Variants in SLCO3A1 observed in about 807,000 individuals in gnomAD.
The protein encoded by SLCO3A1 is PGE1 transporter.
Under a neutral mutation model 63.1 loss-of-function variants are expected in SLCO3A1, and 27 were observed. The ratio of observed to expected loss-of-function variants is 0.43; its 90% CI spans 0.32 to 0.59. The LOEUF is 0.59. Among genes scored for constraint, SLCO3A1 ranks in the 20% least tolerant of loss-of-function variants. The pLI is 0.09. For missense variants in SLCO3A1, 773 were observed against 945.8 expected (o/e 0.82, Z 2.40); for synonymous variants, 473 against 409.9 (o/e 1.15, Z -1.86).
At chr15:91,976,722 G>A (rs1246928850) in intron 2 of SLCO3A1, among the ~76,000 whole-genome samples, 1 of 152,124 alleles carries the variant, frequency 6.6e-6, no homozygotes, top group Non-Finnish European at 1.5e-5. Context: ...GCGTCCGGGG[G>A]AGACATCACA....
At chr15:92,114,687 C>T (rs2047771666) in intron 4 of SLCO3A1, among the ~76,000 whole-genome samples, 1 of 152,094 alleles carries the variant, frequency 6.6e-6, no homozygotes, top group East Asian at 1.9e-4. Flanking sequence ...CTAAGACCTC[C>T]CTGCTCTCTG....
chr15:92,165,572 T>G lies in SLCO3A1; in HGVS notation c.*2437T>G. ...TTTTTTCCTAAGATTTTAGGATGAA[T>G]GTGAAAAAGATGTTAGAATAACAGG... On this transcript the variant is annotated 3_prime_UTR_variant, in exon 10 of 10. Transcript: ENST00000318445. 1 of 984,618 alleles carries G rather than the reference T, an allele frequency of 1.0e-6. No individual in the cohort carries two copies. Among genetic ancestry groups the G allele is most frequent in the African/African-American group, 1.7e-5 (1 of 57,312 alleles). The allele number at this position is 984,618 out of a possible 1,614,324, so 61.0% of individuals were successfully genotyped here.
intron 9 of SLCO3A1, among the ~76,000 whole-genome samples, chr15:92,154,316 G>A (rs1304443997): frequency 2.6e-5 from 4 of 152,260 alleles, no homozygotes; most frequent in Non-Finnish European, 4.4e-5. Context: ...TTATTTATGA[G>A]ACAGGAAGAA....
At chr15:92,095,677 A>G (rs2047529819) in intron 3 of SLCO3A1, among the ~76,000 whole-genome samples, 1 of 152,184 alleles carries the variant, frequency 6.6e-6, no homozygotes, top group Non-Finnish European at 1.5e-5. Context: ...TTATACAACT[A>G]AGGTTTATTT....
In SLCO3A1 at chr15:92,147,057, G is replaced by C. The variant is rs1177437532; in HGVS notation, c.1586G>C (p.Ser529Thr). ...NATVVPGKCP[S>T]PGCQEAFLTF... The stretch of plus-strand genomic sequence containing the variant: ...ACCGTGGTTCCTGGAAAATGCCCCA[G>C]TCCTGGGTGCCAAGAGGCCTTCCTC... The change falls in exon 8 of 10, where the codon AGT becomes ACT. Residue 529 changes from serine (S) to threonine (T), a missense_variant. This residue lies in a region of SLCO3A1 where 565 missense variants were observed against 749.8 expected (regional missense o/e 0.75). Transcript: ENST00000318445. 6.2e-7 allele frequency: 1 copy of C among 1,614,076 alleles called. No homozygotes were observed. Among genetic ancestry groups the C allele is most frequent in the African/African-American group, 1.3e-5 (1 of 74,938 alleles).
At chr15:92,069,265 A>G (rs2047188519) in intron 2 of SLCO3A1, among the ~76,000 whole-genome samples, 2 of 152,144 alleles carry the variant, frequency 1.3e-5, no homozygotes, top group Admixed American at 6.5e-5. Context: ...GCCAGGAATT[A>G]CTCACTTTGT....
At chr15:92,066,705 A>T (rs1331561302) in intron 2 of SLCO3A1, among the ~76,000 whole-genome samples, 1 of 152,178 alleles carries the variant, frequency 6.6e-6, no homozygotes, top group African/African-American at 2.4e-5. Context: ...GGAGCAAATG[A>T]GACACCGCAC....
At chr15:91,936,933 A>T (rs1164222383) in intron 2 of SLCO3A1, among the ~76,000 whole-genome samples, 1 of 152,210 alleles carries the variant, frequency 6.6e-6, no homozygotes, top group Non-Finnish European at 1.5e-5. Flanking sequence ...ATTATGGGGC[A>T]CATAAGGCTT....
intron 7 of SLCO3A1, among the ~76,000 whole-genome samples, chr15:92,139,186 G>C (rs1215036857): frequency 6.6e-6 from 1 of 150,716 alleles, no homozygotes; most frequent in African/African-American, 2.5e-5. Flanking sequence ...TTAGCATGAA[G>C]GGTTGTTGAA....
At chr15:91,867,946 G>A (rs904077305) in intron 1 of SLCO3A1, among the ~76,000 whole-genome samples, 5 of 152,228 alleles carry the variant, frequency 3.3e-5, no homozygotes, top group Non-Finnish European at 7.3e-5. Context: ...CGATCCAAGC[G>A]CTGGCTGAGC....
intron 1 of SLCO3A1, among the ~76,000 whole-genome samples, chr15:91,909,756 G>A (rs1369704296): frequency 1.3e-5 from 2 of 152,228 alleles, no homozygotes; most frequent in African/African-American, 4.8e-5. Context: ...TGAGCCAGGT[G>A]AGACTCTCGC....
chr15:91,980,944 T>A (rs1235493247), intron 2 of SLCO3A1, among the ~76,000 whole-genome samples: 2 of 152,218 alleles, frequency 1.3e-5, no homozygotes, highest in Non-Finnish European at 2.9e-5. Flanking sequence ...CATGACCCTT[T>A]ATAGAACAGT....
rs1655078984 is a variant in SLCO3A1 at position 91,894,802 on chromosome 15, C to T, written c.181-21191C>T. On this transcript the variant is annotated intron_variant, in intron 1 of 9. Coordinates refer to ENST00000318445, the MANE Select transcript of SLCO3A1 (RefSeq NM_013272.4). The surrounding 1 kb of genome is among the most constrained non-coding windows in gnomAD (Gnocchi z 4.8). ...GACTGAGCAAGGGCTTACTCACCCT[C>T]ACCCTGCACATGCTTCTGCCACACA... Among the ~76,000 whole-genome samples the T allele has an allele frequency of 1.3e-5, 2 of 152,210 alleles. No individual in the cohort carries two copies. The highest frequency in any genetic ancestry group is 4.8e-5 in the African/African-American group (2 of 41,458).
chr15:92,066,908 G>A lies in SLCO3A1; in HGVS notation c.647-27973G>A, dbSNP rs4984327. ...ACTCAATATTGCAACTTCTCTGTGC[G>A]TAGGAAACTCCCTAACTCAAACCTG... On this transcript the variant is annotated intron_variant, in intron 2 of 9. Coordinates refer to ENST00000318445, the MANE Select transcript of SLCO3A1 (RefSeq NM_013272.4). Among the ~76,000 whole-genome samples the A allele has an allele frequency of 7.2e-3, 1,090 of 152,306 alleles. 32 individuals are homozygous for A. The highest frequency in any genetic ancestry group is 0.061 in the Admixed American group (930 of 15,298).
intron 1 of SLCO3A1, among the ~76,000 whole-genome samples, chr15:91,888,236 G>A (rs925663278): frequency 1.3e-5 from 2 of 152,166 alleles, no homozygotes; most frequent in African/African-American, 4.8e-5. Flanking sequence ...AACTCCCTCT[G>A]TCTCAGAGAT....
chr15:92,088,904 G>A (rs58898456), intron 2 of SLCO3A1, among the ~76,000 whole-genome samples: 3,210 of 152,222 alleles, frequency 0.021, 120 homozygotes, highest in African/African-American at 0.073. Flanking sequence ...TAACATAGTT[G>A]CCTTAAGGGA....
At chr15:92,026,666 G>A (rs1385180684) in intron 2 of SLCO3A1, among the ~76,000 whole-genome samples, 3 of 152,170 alleles carry the variant, frequency 2.0e-5, no homozygotes, top group Non-Finnish European at 4.4e-5. Flanking sequence ...AGCTATGCAG[G>A]ACAAGGAAAG....
At chr15:92,159,711 T>C (rs55953413) in intron 9 of SLCO3A1, among the ~76,000 whole-genome samples, 4,750 of 151,862 alleles carry the variant, frequency 0.031, 240 homozygotes, top group African/African-American at 0.11. Context: ...TTTCAAATTG[T>C]TGTTTAGAGG....
Position 92,165,183 on chromosome 15 carries a change from C to A in SLCO3A1, c.*2048C>A. The A allele has an allele frequency of 1.0e-6, 1 of 985,412 alleles. No individual in the cohort carries two copies. The allele number at this position is 985,412 out of a possible 1,614,324, so 61.0% of individuals were successfully genotyped here. The stretch of plus-strand genomic sequence containing the variant: ...AAAGCTGTGTCGTGGTATGGGGCCA[C>A]CGTGATCAGCTACCTGGGGCAGGAT... On this transcript the variant is annotated 3_prime_UTR_variant, in exon 10 of 10. Transcript: ENST00000318445.
Sources: allele counts gnomAD v4.1 joint callset (sites outside exome capture counted in the v4.1 genomes callset), GRCh38; gene constraint gnomAD v4.1.1; regional missense constraint gnomAD v4.1.1; non-coding constraint Gnocchi (gnomAD v3.1); transcripts MANE v1.5; gene names NCBI Gene and HGNC (gene_info 2026-07-23, HGNC 2026-07-21).